The following PCDHA12 variants were observed in gnomAD, a reference collection of about 807,000 sequenced individuals.
The protein encoded by PCDHA12 is protocadherin alpha 12, also known as protocadherin alpha-12.
In PCDHA12, 44 loss-of-function variants were observed where a neutral mutation model predicts 60.0. The observed-to-expected ratio is 0.73, with a 90% CI of 0.58 to 0.94. The LOEUF (loss-of-function observed/expected upper bound fraction) is 0.94, where lower values mean the gene tolerates loss of function less well. Ranked by LOEUF, PCDHA12 falls within the 40% of genes least tolerant of loss-of-function variation. The probability of loss-of-function intolerance (pLI) is 0.00; values close to 1 mark genes in which losing one functional copy is unlikely to be tolerated. For synonymous variants in PCDHA12, 569 were observed against 553.0 expected, an observed-to-expected ratio of 1.03 and a Z score of -0.40; for missense variants, 1,276 against 1,239.7, an observed-to-expected ratio of 1.03 and a Z score of -0.44.
At chr5:141,000,538 A>C (rs31871) in intron 3 of PCDHA12, among the ~76,000 whole-genome samples, 70,673 of 145,962 alleles carry the variant, frequency 0.48, 18,171 homozygotes, top group African/African-American at 0.68. Flanking sequence ...AGTGATTCTC[A>C]TGCCTCAAAC....
intron 1 of PCDHA12, chr5:140,927,440 C>T (rs782460713): frequency 3.7e-6 from 6 of 1,614,050 alleles, no homozygotes; most frequent in Admixed American, 3.3e-5. Context: ...AGCGAATACC[C>T]GGAGTTGGTG....
intron 1 of PCDHA12, among the ~76,000 whole-genome samples, chr5:140,907,552 C>A (rs576974083): frequency 1.4e-4 from 21 of 152,278 alleles, no homozygotes; most frequent in Admixed American, 1.3e-3. Flanking sequence ...GGAAGAGGTC[C>A]AATATAATCA....
intron 1 of PCDHA12, among the ~76,000 whole-genome samples, chr5:140,951,214 T>C (rs994639576): frequency 1.3e-5 from 2 of 152,218 alleles, no homozygotes; most frequent in African/African-American, 2.4e-5. Context: ...ATCTCAGGTT[T>C]GGATTCTTGA....
intron 1 of PCDHA12, chr5:140,881,353 G>C (rs537796043): frequency 1.0e-6 from 1 of 985,060 alleles, no homozygotes; most frequent in African/African-American, 1.7e-5. Flanking sequence ...GCTACAATGC[G>C]TGGCTTTCGT....
chr5:140,931,304 G>C (rs1218460625), intron 1 of PCDHA12, among the ~76,000 whole-genome samples: 1 of 152,056 alleles, frequency 6.6e-6, no homozygotes, highest in African/African-American at 2.4e-5. Context: ...CAAAAAGAGA[G>C]GAGAATACCA....
At chr5:140,966,818 C>T in intron 1 of PCDHA12, 1 of 1,554,294 alleles carries the variant, frequency 6.4e-7, no homozygotes, top group Admixed American at 1.9e-5. Flanking sequence ...ACGGCTCCGG[C>T]GGCCCATGCC....
At chr5:140,915,466 T>C (rs2077134247) in intron 1 of PCDHA12, among the ~76,000 whole-genome samples, 1 of 152,176 alleles carries the variant, frequency 6.6e-6, no homozygotes, top group South Asian at 2.1e-4. Context: ...AGGTTTTTAT[T>C]TGAAGGAGCT....
At chr5:140,960,440 T>C (rs1304890095) in intron 1 of PCDHA12, among the ~76,000 whole-genome samples, 1 of 152,164 alleles carries the variant, frequency 6.6e-6, no homozygotes, top group Admixed American at 6.5e-5. Flanking sequence ...ACTCTAGATA[T>C]ATGTATGGAT....
chr5:140,993,532 A>C (rs1159592677), intron 3 of PCDHA12, among the ~76,000 whole-genome samples: 1 of 151,984 alleles, frequency 6.6e-6, no homozygotes, highest in African/African-American at 2.4e-5. Flanking sequence ...ACAGAGAGAG[A>C]GAGAGATAGA....
At chr5:141,000,398 T>TAA in intron 3 of PCDHA12, among the ~76,000 whole-genome samples, 1 of 55,032 alleles carries the variant, frequency 1.8e-5, no homozygotes, top group African/African-American at 7.5e-5. Flanking sequence ...TCTCTCTCTA[T>TAA]ATATATATAT....
intron 1 of PCDHA12, among the ~76,000 whole-genome samples, chr5:140,931,837 G>A (rs1422066331): frequency 6.6e-6 from 1 of 151,798 alleles, no homozygotes; most frequent in Non-Finnish European, 1.5e-5. Flanking sequence ...TATCCTGAAT[G>A]CCTTAATAAC....
At chr5:140,954,453 A>G (rs1489783264) in intron 1 of PCDHA12, among the ~76,000 whole-genome samples, 1 of 152,142 alleles carries the variant, frequency 6.6e-6, no homozygotes, top group East Asian at 1.9e-4. Flanking sequence ...ACTTGTTAAT[A>G]ATTGCCATTC....
chr5:140,937,493 C>T (rs1158473278), intron 1 of PCDHA12, among the ~76,000 whole-genome samples: 3 of 152,020 alleles, frequency 2.0e-5, no homozygotes, highest in Non-Finnish European at 2.9e-5. Flanking sequence ...GGCACATACC[C>T]GTAATCCCAG....
intron 1 of PCDHA12, among the ~76,000 whole-genome samples, chr5:140,906,294 T>C (rs1554192469): frequency 1.3e-5 from 2 of 152,278 alleles, no homozygotes; most frequent in East Asian, 3.9e-4. Flanking sequence ...AAGACAATAA[T>C]AAGGTCATAA....
chr5:140,953,602 CCA>C (rs1246265860), intron 1 of PCDHA12, among the ~76,000 whole-genome samples: 3 of 152,040 alleles, frequency 2.0e-5, no homozygotes, highest in Admixed American at 6.6e-5. Context: ...TGTTTATTCC[CCA>C]GAGTCCTTAG....
chr5:140,914,020 C>T (rs2076562854), intron 1 of PCDHA12, among the ~76,000 whole-genome samples: 1 of 152,036 alleles, frequency 6.6e-6, no homozygotes, highest in African/African-American at 2.4e-5. Context: ...GAGAATGATC[C>T]ACGTGCTGAG....
At chr5:140,948,860 T>C (rs2094315023) in intron 1 of PCDHA12, among the ~76,000 whole-genome samples, 2 of 151,640 alleles carry the variant, frequency 1.3e-5, no homozygotes, top group Non-Finnish European at 3.0e-5. Flanking sequence ...CTTCTTATAT[T>C]ACTTCGGGTT....
intron 1 of PCDHA12, among the ~76,000 whole-genome samples, chr5:140,934,797 T>A (rs1045887352): frequency 6.6e-6 from 1 of 152,236 alleles, no homozygotes; most frequent in African/African-American, 2.4e-5. Context: ...CAATTATCTT[T>A]TTAATGATCA....
At chr5:140,963,925 T>C (rs1293339875) in intron 1 of PCDHA12, among the ~76,000 whole-genome samples, 1 of 152,230 alleles carries the variant, frequency 6.6e-6, no homozygotes, top group Non-Finnish European at 1.5e-5. Flanking sequence ...CTAAGTAACA[T>C]GTCCATAGCC....
Sources: gnomAD v4.1 joint callset for allele counts (sites outside exome capture counted in the v4.1 genomes callset) on GRCh38, gnomAD v4.1.1 for gene constraint, MANE v1.5 for transcripts, NCBI Gene and HGNC (gene_info 2026-07-23, HGNC 2026-07-21) for gene names.